RBL1: variants seen among roughly 807,000 people sequenced by gnomAD.
RBL1 encodes the protein retinoblastoma-like protein 1.
In RBL1, 82 loss-of-function variants were observed where a neutral mutation model predicts 123.0. That is an observed-to-expected ratio of 0.67 (90% confidence interval 0.56 to 0.80). The LOEUF (loss-of-function observed/expected upper bound fraction) is 0.80. RBL1 is among the 30% of genes least tolerant of loss of function. The pLI, the probability that RBL1 is intolerant of heterozygous loss-of-function variation, is 0.00. For synonymous variants in RBL1, 405 were observed against 441.3 expected (o/e 0.92, Z 1.03); for missense variants, 1,171 against 1,299.6 (o/e 0.90, Z 1.52).
chr20:37,039,179 G>C (rs2146259076), intron 14 of RBL1, among the ~76,000 whole-genome samples: 1 of 152,246 alleles, frequency 6.6e-6, no homozygotes, highest in South Asian at 2.1e-4. Flanking sequence ...CCATTGGTAA[G>C]TCTCAAAATG....
chr20:37,059,408 A>G (rs373377892), intron 9 of RBL1, among the ~76,000 whole-genome samples: 1 of 152,202 alleles, frequency 6.6e-6, no homozygotes, highest in Non-Finnish European at 1.5e-5. Flanking sequence ...ATTCCTAGTC[A>G]GGGACGTCTA....
At chr20:37,070,828 TTAGA>T (rs899800332) in intron 2 of RBL1, among the ~76,000 whole-genome samples, 1 of 152,156 alleles carries the variant, frequency 6.6e-6, no homozygotes, top group African/African-American at 2.4e-5. Flanking sequence ...TAACGTGGTC[TTAGA>T]TAGAAAACTT....
chr20:37,016,833 A>G (rs912357448), intron 19 of RBL1, among the ~76,000 whole-genome samples: 29 of 150,480 alleles, frequency 1.9e-4, no homozygotes, highest in African/African-American at 7.1e-4. Context: ...GCAGTGAGCC[A>G]TGATTGTGCC....
At chr20:37,035,583 G>A (rs1395298175) in intron 14 of RBL1, 75 bp from the exon 15 acceptor site, 3 of 1,257,894 alleles carry the variant, frequency 2.4e-6, no homozygotes, top group Non-Finnish European at 3.2e-6. Flanking sequence ...TCACTCAACA[G>A]ATAGTGAGTT....
At chr20:36,999,824 C>A (rs1282971867) in intron 21 of RBL1, among the ~76,000 whole-genome samples, 1 of 152,216 alleles carries the variant, frequency 6.6e-6, no homozygotes, top group Admixed American at 6.5e-5. Flanking sequence ...AGTGCAGTGG[C>A]GTGATCTCGG....
chr20:37,055,055 C>T (rs1279037807), intron 11 of RBL1, among the ~76,000 whole-genome samples: 2 of 151,932 alleles, frequency 1.3e-5, no homozygotes, highest in Non-Finnish European at 2.9e-5. Context: ...TAGAAGACTC[C>T]AAGAGTGACT....
chr20:37,071,302 T>C (rs1365768622), intron 2 of RBL1, among the ~76,000 whole-genome samples: 2 of 152,170 alleles, frequency 1.3e-5, no homozygotes, highest in Non-Finnish European at 2.9e-5. Context: ...TAATAGCAAA[T>C]CATCCAAAGC....
rs1406851946 is a variant in RBL1 at position 37,095,957 on chromosome 20, C to T, written c.-29G>A. The T allele has an allele frequency of 1.4e-6, 2 of 1,466,022 alleles. No homozygotes were observed. The highest frequency in any genetic ancestry group is 1.8e-6 in the Non-Finnish European group (2 of 1,099,766). 90.8% of individuals were successfully genotyped at this position (1,466,022 alleles called of 1,614,324 possible). A position where few individuals can be genotyped will look rare whatever the true frequency, so the allele number is the denominator to read the frequency against. On this transcript the variant is annotated 5_prime_UTR_variant, in exon 1 of 22. It adds an upstream start codon to the 5' untranslated region. Coordinates refer to ENST00000373664, the MANE Select transcript of RBL1 (RefSeq NM_002895.5). ...TTCAGGCCCCGCGGGCTGCGCGCCA[C>T]GGCCCCCGACTTCTTTCTCCCTCCC...
intron 16 of RBL1, among the ~76,000 whole-genome samples, chr20:37,028,243 T>A (rs1360188381): frequency 1.3e-5 from 2 of 152,122 alleles, no homozygotes; most frequent in African/African-American, 4.8e-5. Flanking sequence ...TGGACACCTA[T>A]AGTCCCAGCT....
At chr20:37,002,060 GTCTC>G (rs1213087708) in intron 21 of RBL1, among the ~76,000 whole-genome samples, 14 of 24,152 alleles carry the variant, frequency 5.8e-4, no homozygotes, top group Admixed American at 3.7e-3. Flanking sequence ...TTTTGAGACA[GTCTC>G]TCTCTGTTGC....
intron 16 of RBL1, 116 bp from the exon 17 acceptor site, chr20:37,022,942 A>T: frequency 1.2e-6 from 1 of 804,062 alleles, no homozygotes; most frequent in Non-Finnish European, 1.9e-6. Flanking sequence ...TAAATTAAAT[A>T]AAATTTCTGT....
At chr20:37,071,853 C>T (rs1446851088) in intron 2 of RBL1, among the ~76,000 whole-genome samples, 1 of 152,102 alleles carries the variant, frequency 6.6e-6, no homozygotes, top group Admixed American at 6.6e-5. Context: ...TGATGTGCCT[C>T]CTCCCCCTTC....
chr20:37,062,485 C>T (rs1298093952), intron 7 of RBL1, among the ~76,000 whole-genome samples: 1 of 151,920 alleles, frequency 6.6e-6, no homozygotes. Context: ...AAGTGAGAGA[C>T]TACATATACT....
intron 9 of RBL1, among the ~76,000 whole-genome samples, chr20:37,056,702 C>T (rs2065013110): frequency 6.6e-6 from 1 of 151,986 alleles, no homozygotes; most frequent in Non-Finnish European, 1.5e-5. Flanking sequence ...GTTGTATTCT[C>T]AGTTGGAAAT....
At chr20:37,037,115 T>A (rs748493633) in intron 14 of RBL1, among the ~76,000 whole-genome samples, 4 of 152,228 alleles carry the variant, frequency 2.6e-5, no homozygotes, top group Admixed American at 6.5e-5. Context: ...TTTCTATAGT[T>A]GTTTCCATTA....
intron 21 of RBL1, among the ~76,000 whole-genome samples, chr20:37,003,267 C>G (rs2146198080): frequency 6.6e-6 from 1 of 152,298 alleles, no homozygotes; most frequent in East Asian, 1.9e-4. Flanking sequence ...CACCACTGAA[C>G]AAGGATAAGG....
intron 19 of RBL1, among the ~76,000 whole-genome samples, chr20:37,013,469 T>C (rs2064199105): frequency 6.6e-6 from 1 of 151,514 alleles, no homozygotes; most frequent in Non-Finnish European, 1.5e-5. Context: ...CGCAGGGTCC[T>C]CTGCCTAGGA....
In RBL1 at chr20:37,056,199, G is replaced by C. The variant is rs763460982; in HGVS notation, c.1310C>G (p.Thr437Ser). The C allele has an allele frequency of 2.5e-6, 4 of 1,611,238 alleles. No homozygotes were observed. Among genetic ancestry groups the C allele is most frequent in the Non-Finnish European group, 3.4e-6 (4 of 1,179,752 alleles). The change falls in exon 10 of 22, where the codon ACT becomes AGT. Residue 437 changes from threonine (T) to serine (S), a missense_variant. Thr to Ser is a moderately conservative substitution (Grantham distance 58). Transcript: ENST00000373664. ...TGATTGAGTATAGTGTTGACAGAAA[G>C]TCTCTCCTATTCCTTTTAGTATTTT... ...IMKILKGIGE[T>S]FCQHYTQSTD...
At chr20:37,011,860 C>CTCTCCCACTCCCTCTCCCCACGG (rs1190630625) in intron 19 of RBL1, among the ~76,000 whole-genome samples, 1 of 152,100 alleles carries the variant, frequency 6.6e-6, no homozygotes, top group East Asian at 1.9e-4. Context: ...ATTTGACTCC[C>CTCTCCCACTCCCTCTCCCCACGG]TCTCCCACTC....
Sources: gnomAD v4.1 joint callset for allele counts (sites outside exome capture counted in the v4.1 genomes callset) on GRCh38, gnomAD v4.1.1 for gene constraint, MANE v1.5 for transcripts, NCBI Gene and HGNC (gene_info 2026-07-23, HGNC 2026-07-21) for gene names.